GCNA: variants seen among roughly 807,000 people sequenced by gnomAD.
The protein encoded by GCNA is germ cell nuclear acidic protein.
Under a neutral mutation model 38.8 loss-of-function variants are expected in GCNA, and 3 were observed. The ratio of observed to expected loss-of-function variants is 0.08; its 90% confidence interval spans 0.04 to 0.20. The LOEUF (loss-of-function observed/expected upper bound fraction) is 0.20, where lower values mean the gene tolerates loss of function less well. GCNA is among the 10% of genes least tolerant of loss of function. The pLI is 1.00. For missense variants in GCNA, 446 were observed against 578.6 expected, an observed-to-expected ratio of 0.77 and a Z score of 2.35; for synonymous variants, 195 against 240.2, an observed-to-expected ratio of 0.81 and a Z score of 1.74.
intron 7 of GCNA, among the ~76,000 whole-genome samples, chrX:71,601,324 A>G (rs972446287): frequency 1.8e-5 from 2 of 109,324 alleles, no homozygotes; most frequent in African/African-American, 6.7e-5. Flanking sequence ...CTGGCGGCAG[A>G]GCAAGACTCC....
chrX:71,580,904 T>C (rs1293957399), intron 2 of GCNA, 24 bp downstream of exon 2: 1 of 1,176,321 alleles, frequency 8.5e-7, no homozygotes. Context: ...AGTTCTGTTT[T>C]CTTTTAGTTT....
rs1231949593 is a variant in GCNA, at chrX:71,604,580, G to A, written c.1303G>A (p.Val435Met). ...AAGGCAGACAAAGACCAAAAATATA[G>A]TGGAGCCACCAAGGAAAAGGCAGAC... ...RKRQTKTKNI[V>M]EPPRKRQTKT... Residue 435 changes from valine (V) to methionine (M), a missense_variant, in exon 8 of 13, where the codon GTG becomes ATG. Transcript: ENST00000373696. 6 of 1,194,711 alleles carry A rather than the reference G, an allele frequency of 5.0e-6. No homozygotes were observed. Among genetic ancestry groups the A allele is most frequent in the Non-Finnish European group, 6.8e-6 (6 of 887,202 alleles).
At chrX:71,580,782 G>T in intron 1 of GCNA, 38 bp from the exon 2 acceptor site, 3 of 1,171,812 alleles carry the variant, frequency 2.6e-6, no homozygotes, top group Non-Finnish European at 3.4e-6. Context: ...CCGAGTTCTG[G>T]CTTTCTTAAG....
intron 10 of GCNA, 38 bp downstream of exon 10, chrX:71,609,155 A>G (rs2040791500): frequency 8.8e-7 from 1 of 1,140,369 alleles, no homozygotes; most frequent in Non-Finnish European, 1.2e-6. Context: ...AGCACCTGCT[A>G]TACACCAGTA....
In GCNA at chrX:71,605,743, G is replaced by A. The variant is rs761956360; in HGVS notation, c.1466+14G>A. On this transcript the variant is annotated intron_variant, in intron 9 of 12. Coordinates refer to ENST00000373696, the MANE Select transcript of GCNA (RefSeq NM_052957.5). ...ACGCAAGACTAGGTATGTACTGCTCGCATACAGTTGAACAGGAATTTATTG... is the reference window on the plus strand; with the variant it reads ...ACGCAAGACTAGGTATGTACTGCTCACATACAGTTGAACAGGAATTTATTG... 1.1e-5 allele frequency: 13 copies of A among 1,189,207 alleles called. No homozygotes were observed. The highest frequency in any genetic ancestry group is 1.8e-5 in the African/African-American group (1 of 56,632).
intron 2 of GCNA, among the ~76,000 whole-genome samples, chrX:71,586,039 A>G (rs1381413572): frequency 9.1e-6 from 1 of 109,865 alleles, no homozygotes; most frequent in Non-Finnish European, 1.9e-5. Flanking sequence ...GTAGAGTGTG[A>G]TAAACGCTGC....
At chrX:71,583,865 CTT>C (rs753993215) in intron 2 of GCNA, among the ~76,000 whole-genome samples, 2 of 99,272 alleles carry the variant, frequency 2.0e-5, no homozygotes, top group African/African-American at 3.6e-5. Context: ...ACCCGCCTAA[CTT>C]TTTTTTTTTT....
At chrX:71,608,904 G>A (rs2040788726) in intron 9 of GCNA, 69 bp from the exon 10 acceptor site, 7 of 1,137,680 alleles carry the variant, frequency 6.2e-6, no homozygotes, top group Non-Finnish European at 4.7e-6. Flanking sequence ...GTCTCTTGAC[G>A]AGACGCTTAG....
intron 2 of GCNA, among the ~76,000 whole-genome samples, chrX:71,587,501 T>C (rs943359131): frequency 9.0e-6 from 1 of 111,522 alleles, no homozygotes. Flanking sequence ...GCCTTGATGA[T>C]ATGATATTTA....
chrX:71,593,770 A>G (rs1275486646), intron 4 of GCNA, among the ~76,000 whole-genome samples: 8 of 101,536 alleles, frequency 7.9e-5, no homozygotes, highest in Admixed American at 3.2e-4. Context: ...TTGCCCTTTA[A>G]TTTTTGACTG....
intron 4 of GCNA, 37 bp from the exon 5 acceptor site, chrX:71,594,294 G>C (rs1225874521): frequency 9.2e-7 from 1 of 1,081,166 alleles, no homozygotes; most frequent in Non-Finnish European, 1.3e-6. Context: ...GGCGTCGATA[G>C]CCCTCCTTTT....
Position 71,609,111 on chromosome X carries a change from T to C in GCNA, c.1605T>C (p.Asp535=), listed in dbSNP as rs753299625. 2.5e-6 allele frequency: 3 copies of C among 1,207,426 alleles called. No homozygotes were observed. The highest frequency in any genetic ancestry group is 3.4e-6 in the Non-Finnish European group (3 of 893,306). ...ACCTGTTTAACAGATCCGTCTGTGA[T>C]AAAAAGGTAGGATCAATGAATGAGC... ...IYDLFNRSVC[D]KKLPEKLRIG... is the part of the protein sequence containing the mutation. Residue 535 remains aspartate (D), a synonymous_variant, in exon 10 of 13, where the codon GAT becomes GAC. Coordinates refer to ENST00000373696, the MANE Select transcript of GCNA (RefSeq NM_052957.5).
intron 2 of GCNA, among the ~76,000 whole-genome samples, chrX:71,586,130 GAAAT>G (rs1212685567): frequency 9.5e-6 from 1 of 105,603 alleles, no homozygotes; most frequent in African/African-American, 3.5e-5. Flanking sequence ...ATAGCCCTAT[GAAAT>G]AAATGTTTTT....
At chrX:71,612,210 G>A in intron 11 of GCNA, 145 bp from the exon 12 acceptor site, 2 of 438,572 alleles carry the variant, frequency 4.6e-6, no homozygotes, top group South Asian at 9.0e-5. Flanking sequence ...ACCGGGAGGT[G>A]GAGGTTGCAG....
At chrX:71,586,564 G>T (rs1395233366) in intron 2 of GCNA, among the ~76,000 whole-genome samples, 1 of 111,611 alleles carries the variant, frequency 9.0e-6, no homozygotes, top group Non-Finnish European at 1.9e-5. Context: ...ATAGGAACAG[G>T]ATTGAGGGAG....
intron 8 of GCNA, 109 bp downstream of exon 8, chrX:71,604,785 A>G: frequency 2.8e-6 from 3 of 1,060,845 alleles, no homozygotes; most frequent in Non-Finnish European, 3.8e-6. Flanking sequence ...GTGCCATTTC[A>G]GCAACTTCCC....
intron 11 of GCNA, among the ~76,000 whole-genome samples, chrX:71,611,703 C>A (rs1365128083): frequency 9.0e-6 from 1 of 111,341 alleles, no homozygotes; most frequent in East Asian, 2.8e-4. Context: ...GATTGCTCCC[C>A]ACCCTGTCCA....
chrX:71,612,209 T>G (rs1602187060), intron 11 of GCNA, 146 bp from the exon 12 acceptor site: 1 of 401,760 alleles, frequency 2.5e-6, no homozygotes, highest in East Asian at 4.3e-5. Flanking sequence ...AACCGGGAGG[T>G]GGAGGTTGCA....
intron 11 of GCNA, among the ~76,000 whole-genome samples, chrX:71,612,111 A>T (rs910506946): frequency 1.1e-5 from 1 of 89,158 alleles, no homozygotes; most frequent in African/African-American, 4.4e-5. Flanking sequence ...CGTCTCTACT[A>T]AAAAAAAAAA....
Sources: gnomAD v4.1 joint callset for allele counts (sites outside exome capture counted in the v4.1 genomes callset) on GRCh38, gnomAD v4.1.1 for gene constraint, MANE v1.5 for transcripts, NCBI Gene and HGNC (gene_info 2026-07-23, HGNC 2026-07-21) for gene names.